The following ROR1 variants were observed in gnomAD, a reference collection of about 807,000 sequenced individuals.
ROR1 encodes the protein ROR family WNT receptor 1, also known as inactive tyrosine-protein kinase transmembrane receptor ROR1.
ROR1 carries 19 observed loss-of-function variants against 78.8 expected under a neutral mutation model. That is an observed-to-expected ratio of 0.24 (90% CI 0.17 to 0.35). The LOEUF is 0.35. Among genes scored for constraint, ROR1 ranks in the 10% least tolerant of loss-of-function variants. The probability of loss-of-function intolerance (pLI) is 1.00; values close to 1 mark genes in which losing one functional copy is unlikely to be tolerated. For synonymous variants in ROR1, 386 were observed against 433.6 expected (o/e 0.89, Z 1.36); for missense variants, 917 against 1,177.8 (o/e 0.78, Z 3.24).
intron 1 of ROR1, among the ~76,000 whole-genome samples, chr1:63,806,538 C>T (rs1327555073): frequency 2.0e-5 from 3 of 152,132 alleles, no homozygotes; most frequent in Admixed American, 2.0e-4. Flanking sequence ...AGGATGGTCT[C>T]GATCTCCTGA....
Position 63,823,735 on chromosome 1 carries a change from G to A in ROR1, c.91+49227G>A, listed in dbSNP as rs925830944. On this transcript the variant is annotated intron_variant, in intron 1 of 8. Transcript: ENST00000371079. The stretch of plus-strand genomic sequence containing the variant: ...CCCAAAGTGTTGGAATTACAGGCAT[G>A]AGCCCCCACACCCAGTCAAAATCTT... Among the ~76,000 whole-genome samples the A allele has an allele frequency of 2.0e-5, 3 of 151,888 alleles. No individual in the cohort carries two copies. In the East Asian group the frequency reaches 5.8e-4, roughly 29 times the overall value.
At chr1:63,987,705 A>C in intron 1 of ROR1, among the ~76,000 whole-genome samples, 1 of 152,316 alleles carries the variant, frequency 6.6e-6, no homozygotes, top group South Asian at 2.1e-4. Flanking sequence ...CTCAGTCGCC[A>C]CTTGGCTGGA....
chr1:64,043,442 A>C (rs705534), intron 2 of ROR1, among the ~76,000 whole-genome samples: 121,182 of 152,142 alleles, frequency 0.8, 49,011 homozygotes, highest in East Asian at 0.96. Flanking sequence ...AGGTCATAAA[A>C]TAACTTTTTT....
At chr1:64,079,736 C>A (rs1179330291) in intron 4 of ROR1, among the ~76,000 whole-genome samples, 2 of 152,096 alleles carry the variant, frequency 1.3e-5, no homozygotes, top group Non-Finnish European at 2.9e-5. Flanking sequence ...CCCTCCTCGG[C>A]CTCCCAAAGT....
chr1:63,951,648 C>A (rs1453352823), intron 1 of ROR1, among the ~76,000 whole-genome samples: 3 of 152,136 alleles, frequency 2.0e-5, no homozygotes, highest in Non-Finnish European at 4.4e-5. Flanking sequence ...ACCCTTTATG[C>A]CTCTCCAGGG....
intron 1 of ROR1, among the ~76,000 whole-genome samples, chr1:63,916,865 C>G (rs1645612835): frequency 6.6e-6 from 1 of 152,154 alleles, no homozygotes; most frequent in South Asian, 2.1e-4. Flanking sequence ...CTCAATTTCT[C>G]CTATAAAGCC....
intron 1 of ROR1, among the ~76,000 whole-genome samples, chr1:63,937,282 T>C (rs563589654): frequency 1.6e-4 from 25 of 152,284 alleles, no homozygotes; most frequent in African/African-American, 5.8e-4. Context: ...GCCGTCCTTT[T>C]ACTGCCATCC....
intron 4 of ROR1, among the ~76,000 whole-genome samples, chr1:64,065,932 C>A (rs1646952396): frequency 6.6e-6 from 1 of 152,198 alleles, no homozygotes; most frequent in African/African-American, 2.4e-5. Context: ...GCCTTTCAAC[C>A]CGCTTGGCCT....
chr1:64,027,839 C>T (rs1328114999), intron 2 of ROR1, among the ~76,000 whole-genome samples: 1 of 152,030 alleles, frequency 6.6e-6, no homozygotes, highest in African/African-American at 2.4e-5. Flanking sequence ...AGGCACCTGC[C>T]ACCACATCCA....
Position 63,925,437 on chromosome 1 carries a change from A to C in ROR1, c.92-83868A>C, listed in dbSNP as rs1645694159. The stretch of plus-strand genomic sequence containing the variant: ...ATTGTTGGACATTTGGGTTGGTTCC[A>C]AGTTTTTGCTATCGTGAATAATGCC... On this transcript the variant is annotated intron_variant, in intron 1 of 8. Coordinates refer to ENST00000371079, the MANE Select transcript of ROR1 (RefSeq NM_005012.4). 2.0e-5 allele frequency among the ~76,000 whole-genome samples: 3 copies of C among 151,908 alleles called. No homozygotes were observed. In the South Asian group the frequency reaches 6.3e-4, roughly 32 times the overall value.
At chr1:64,165,369 G>T (rs531934358) in intron 8 of ROR1, among the ~76,000 whole-genome samples, 66 of 152,094 alleles carry the variant, frequency 4.3e-4, no homozygotes, top group South Asian at 3.5e-3. Context: ...TCATATGTTT[G>T]TTGGCCACAC....
intron 4 of ROR1, among the ~76,000 whole-genome samples, chr1:64,121,525 T>C (rs1008782193): frequency 2.2e-4 from 33 of 152,336 alleles, no homozygotes; most frequent in African/African-American, 6.5e-4. Flanking sequence ...TTTTGTTCAA[T>C]GTAGTAGACC....
At chr1:63,879,368 G>A (rs1234682305) in intron 1 of ROR1, among the ~76,000 whole-genome samples, 1 of 152,174 alleles carries the variant, frequency 6.6e-6, no homozygotes, top group African/African-American at 2.4e-5. Flanking sequence ...GTGAGAGGGA[G>A]TGAGTTGAGA....
intron 2 of ROR1, among the ~76,000 whole-genome samples, chr1:64,038,929 A>G (rs1235418151): frequency 1.3e-5 from 2 of 152,186 alleles, no homozygotes; most frequent in Non-Finnish European, 1.5e-5. Context: ...TGCTACAAAG[A>G]AAATAGTAGC....
chr1:64,000,858 G>C (rs1474915742), intron 1 of ROR1, among the ~76,000 whole-genome samples: 1 of 152,172 alleles, frequency 6.6e-6, no homozygotes, highest in Non-Finnish European at 1.5e-5. Flanking sequence ...GCCTACCTCT[G>C]TTGTACCTCT....
At chr1:63,996,718 C>T (rs1030286447) in intron 1 of ROR1, among the ~76,000 whole-genome samples, 1 of 151,962 alleles carries the variant, frequency 6.6e-6, no homozygotes, top group African/African-American at 2.4e-5. Flanking sequence ...TCACGCCTCA[C>T]AGTTTGGAGC....
chr1:63,998,054 T>G (rs2100529493), intron 1 of ROR1, among the ~76,000 whole-genome samples: 1 of 152,236 alleles, frequency 6.6e-6, no homozygotes, highest in East Asian at 1.9e-4. Flanking sequence ...GATTTGTGTT[T>G]GAACAACACA....
intron 6 of ROR1, among the ~76,000 whole-genome samples, chr1:64,141,001 A>T (rs1176608405): frequency 1.3e-5 from 2 of 152,226 alleles, no homozygotes; most frequent in African/African-American, 2.4e-5. Flanking sequence ...CCATATAGAC[A>T]GAATTCAGAT....
chr1:64,032,340 CAAAAAAAA>C (rs66602515), intron 2 of ROR1, among the ~76,000 whole-genome samples: 1 of 76,344 alleles, frequency 1.3e-5, no homozygotes, highest in Non-Finnish European at 2.5e-5. Flanking sequence ...GACTCCGTCT[CAAAAAAAA>C]AAAAAAAAAA....
Sources: allele counts gnomAD v4.1 joint callset (sites outside exome capture counted in the v4.1 genomes callset), GRCh38; gene constraint gnomAD v4.1.1; transcripts MANE v1.5; gene names NCBI Gene and HGNC (gene_info 2026-07-23, HGNC 2026-07-21).